SLC15A2: variants seen among roughly 807,000 people sequenced by gnomAD.
SLC15A2 encodes the protein solute carrier family 15 member 2.
In SLC15A2, 77 loss-of-function variants were observed where a neutral mutation model predicts 95.5. That is an observed-to-expected ratio of 0.81 (90% CI 0.67 to 0.97). SLC15A2 has a LOEUF of 0.97. Ranked by LOEUF, SLC15A2 falls within the 50% of genes least tolerant of loss-of-function variation. The pLI is 0.00. For missense variants in SLC15A2, 893 were observed against 874.4 expected, an observed-to-expected ratio of 1.02 and a Z score of -0.27; for synonymous variants, 306 against 306.9, an observed-to-expected ratio of 1.00 and a Z score of 0.03.
At chr3:121,898,787 TGTGGACCCA>T (rs1418212762) in intron 3 of SLC15A2, among the ~76,000 whole-genome samples, 1 of 152,216 alleles carries the variant, frequency 6.6e-6, no homozygotes, top group African/African-American at 2.4e-5. Context: ...CTGGATATTT[TGTGGACCCA>T]GTGTTCCAAG....
chr3:121,903,034 A>G (rs936774392), intron 3 of SLC15A2, among the ~76,000 whole-genome samples: 8 of 152,166 alleles, frequency 5.3e-5, no homozygotes, highest in African/African-American at 1.9e-4. Flanking sequence ...TGCCTTTTTA[A>G]TGATTGCCAT....
chr3:121,899,230 CCTT>C (rs1323848489), intron 3 of SLC15A2, among the ~76,000 whole-genome samples: 7 of 152,084 alleles, frequency 4.6e-5, no homozygotes, highest in African/African-American at 1.7e-4. Flanking sequence ...TCAAATCAAT[CCTT>C]CTTGATGTAT....
chr3:121,895,031 A>C (rs749818672), intron 1 of SLC15A2, among the ~76,000 whole-genome samples: 5 of 152,202 alleles, frequency 3.3e-5, no homozygotes, highest in African/African-American at 1.2e-4. Context: ...TTCCCAGTTT[A>C]CTGTGGGAGA....
rs759512879 is a variant in SLC15A2, at chr3:121,940,484, T to A, written c.2009T>A (p.Val670Glu). The A allele has an allele frequency of 4.3e-6, 7 of 1,611,960 alleles. No individual in the cohort carries two copies. In the Admixed American group the frequency reaches 8.3e-5, roughly 19 times the overall value. ...GTTGTGGCACAGTTCAGTGGCCTGG[T>A]ACAGGTATGGATCTGAGGGAAGCAG... ...VLVVAQFSGLVQWAEFILFSC... is the reference protein window; with the variant it reads ...VLVVAQFSGLEQWAEFILFSC... The change falls in exon 21 of 22, where the codon GTA (valine) becomes GAA (glutamate). Residue 670 changes from valine (V) to glutamate (E), a missense_variant. Transcript: ENST00000489711.
intron 17 of SLC15A2, among the ~76,000 whole-genome samples, chr3:121,929,828 A>G (rs889336189): frequency 6.6e-6 from 1 of 152,192 alleles, no homozygotes; most frequent in Non-Finnish European, 1.5e-5. Context: ...GGTCTTGTCA[A>G]ATGGTGAGGG....
chr3:121,896,541 AC>A, intron 2 of SLC15A2, 48 bp downstream of exon 2: 1 of 1,414,340 alleles, frequency 7.1e-7, no homozygotes, highest in East Asian at 2.3e-5. Flanking sequence ...ACCCACCCTC[AC>A]CCCATGTTTG....
intron 5 of SLC15A2, among the ~76,000 whole-genome samples, chr3:121,913,397 C>G (rs1351695433): frequency 6.6e-6 from 1 of 152,188 alleles, no homozygotes; most frequent in Non-Finnish European, 1.5e-5. Flanking sequence ...GAGGAGAATA[C>G]TATAGCTGCT....
intron 3 of SLC15A2, among the ~76,000 whole-genome samples, chr3:121,903,436 C>T (rs941669571): frequency 1.3e-5 from 2 of 152,162 alleles, no homozygotes; most frequent in Non-Finnish European, 2.9e-5. Flanking sequence ...ATGCCTATGT[C>T]CTGAATGGTA....
chr3:121,925,072 G>T, intron 13 of SLC15A2, 39 bp downstream of exon 13: 1 of 1,374,724 alleles, frequency 7.3e-7, no homozygotes, highest in South Asian at 1.2e-5. Flanking sequence ...ACTCTAAATT[G>T]ACTCAGTCTT....
intron 5 of SLC15A2, among the ~76,000 whole-genome samples, chr3:121,913,623 T>G (rs957149735): frequency 6.6e-6 from 1 of 152,202 alleles, no homozygotes; most frequent in Non-Finnish European, 1.5e-5. Flanking sequence ...TGTTTTGAGA[T>G]TCCATGAAAT....
intron 7 of SLC15A2, among the ~76,000 whole-genome samples, chr3:121,918,809 A>G (rs879652197): frequency 9.9e-5 from 15 of 152,214 alleles, no homozygotes; most frequent in Admixed American, 6.5e-4. Flanking sequence ...GGTCACTGAT[A>G]CGATTAGATC....
At chr3:121,900,352 C>T (rs1709498014) in intron 3 of SLC15A2, among the ~76,000 whole-genome samples, 1 of 152,186 alleles carries the variant, frequency 6.6e-6, no homozygotes, top group East Asian at 1.9e-4. Flanking sequence ...TTTTGGTCTT[C>T]ATTGTCTCAA....
chr3:121,941,956 A>G lies in SLC15A2; in HGVS notation c.*949A>G, dbSNP rs1027326529. The G allele has an allele frequency of 2.6e-5, 4 of 152,248 alleles. No homozygotes were observed. Among genetic ancestry groups the G allele is most frequent in the African/African-American group, 9.6e-5 (4 of 41,462 alleles). 9.4% of individuals were successfully genotyped at this position (152,248 alleles called of 1,614,324 possible). A position where few individuals can be genotyped will look rare whatever the true frequency, so the allele number is the denominator to read the frequency against. On this transcript the variant is annotated 3_prime_UTR_variant, in exon 22 of 22. Transcript: ENST00000489711. Reference sequence around the variant, plus strand: ...AATATTCAATAACAACAATGTTTCTATAAGTCCAACTTCCTTTATTAATGT... The same window carrying G: ...AATATTCAATAACAACAATGTTTCTGTAAGTCCAACTTCCTTTATTAATGT...
intron 3 of SLC15A2, among the ~76,000 whole-genome samples, chr3:121,910,687 G>T (rs1209562411): frequency 1.3e-5 from 2 of 152,158 alleles, no homozygotes; most frequent in East Asian, 3.9e-4. Flanking sequence ...AAAATTGCAG[G>T]TGTAAACTGT....
At chr3:121,938,463 G>A (rs1010823855) in intron 19 of SLC15A2, among the ~76,000 whole-genome samples, 101 of 152,316 alleles carry the variant, frequency 6.6e-4, no homozygotes, top group Non-Finnish European at 4.1e-4. Context: ...ATATAATCTC[G>A]TGGTGCGCCG....
chr3:121,922,395 T>G lies in SLC15A2; in HGVS notation c.780+93T>G, dbSNP rs1710024208. The G allele has an allele frequency of 8.6e-6, 8 of 931,246 alleles. No individual in the cohort carries two copies. In the South Asian group the frequency reaches 1.2e-4, roughly 14 times the overall value. 57.7% of individuals were successfully genotyped at this position (931,246 alleles called of 1,614,324 possible). A position where few individuals can be genotyped will look rare whatever the true frequency, so the allele number is the denominator to read the frequency against. On this transcript the variant is annotated intron_variant, in intron 8 of 21. Coordinates refer to ENST00000489711, the MANE Select transcript of SLC15A2 (RefSeq NM_021082.4). ...GCCTTCAAACGTGGGCATACATTTT[T>G]CTCAATGACCTCTATTCTATTTTCA...
At chr3:121,931,031 C>T in intron 18 of SLC15A2, 81 bp downstream of exon 18, 2 of 866,694 alleles carry the variant, frequency 2.3e-6, no homozygotes, top group Admixed American at 3.9e-5. Context: ...AGGTGGGGAA[C>T]TTAGGTGCAT....
chr3:121,928,762 T>A (rs1280983413), intron 15 of SLC15A2, among the ~76,000 whole-genome samples: 2 of 152,212 alleles, frequency 1.3e-5, no homozygotes, highest in Non-Finnish European at 2.9e-5. Flanking sequence ...TTTATTATTA[T>A]ACATAATCCT....
In SLC15A2 at chr3:121,922,217, C is replaced by T. The variant is rs1311582390; in HGVS notation, c.698-3C>T. Reference sequence around the variant, plus strand: ...AAGAACCTTGTTTGTGTATCAACTGCAGTTGTGTTTGCAATGGGAAGCAAA... The same window carrying T: ...AAGAACCTTGTTTGTGTATCAACTGTAGTTGTGTTTGCAATGGGAAGCAAA... On this transcript the variant is annotated splice_region_variant and splice_polypyrimidine_tract_variant and intron_variant, in intron 7 of 21. Coordinates refer to ENST00000489711, the MANE Select transcript of SLC15A2 (RefSeq NM_021082.4). 6.2e-7 allele frequency: 1 copy of T among 1,612,140 alleles called. No individual in the cohort carries two copies. The highest frequency in any genetic ancestry group is 1.7e-5 in the Admixed American group (1 of 59,992).
Sources: allele counts gnomAD v4.1 joint callset (sites outside exome capture counted in the v4.1 genomes callset), GRCh38; gene constraint gnomAD v4.1.1; transcripts MANE v1.5; gene names NCBI Gene and HGNC (gene_info 2026-07-23, HGNC 2026-07-21).